Variants in ST18 observed in about 807,000 individuals in gnomAD.
The protein encoded by ST18 is suppression of tumorigenicity 18 protein.
ST18 carries 50 observed loss-of-function variants against 110.0 expected under a neutral mutation model. The observed-to-expected ratio is 0.45, with a 90% CI of 0.36 to 0.58. The LOEUF (loss-of-function observed/expected upper bound fraction) is 0.58. ST18 is among the 20% of genes least tolerant of loss of function. ST18 has a pLI of 0.00. For missense variants in ST18, 1,306 were observed against 1,280.1 expected, an observed-to-expected ratio of 1.02 and a Z score of -0.31; for synonymous variants, 461 against 452.4, an observed-to-expected ratio of 1.02 and a Z score of -0.24.
In ST18 at chr8:52,149,055, C is replaced by T. The variant is rs112445509; in HGVS notation, c.2052+677G>A. Among the ~76,000 whole-genome samples, 526 of 152,340 alleles carry T rather than the reference C, an allele frequency of 3.5e-3. 4 individuals are homozygous for T. The highest frequency in any genetic ancestry group is 0.012 in the African/African-American group (496 of 41,580). Reference sequence around the variant, plus strand: ...CGAGGGTTCTGGCTGTCAGTTCTTTCGAATGACACTGAGTAGTCCATGGCT... The same window carrying T: ...CGAGGGTTCTGGCTGTCAGTTCTTTTGAATGACACTGAGTAGTCCATGGCT... On this transcript the variant is annotated intron_variant, in intron 16 of 25. Transcript: ENST00000689386.
intron 2 of ST18, among the ~76,000 whole-genome samples, chr8:52,336,037 C>A (rs1479814125): frequency 6.6e-6 from 1 of 152,198 alleles, no homozygotes; most frequent in African/African-American, 2.4e-5. Flanking sequence ...AGAGAATACT[C>A]CTTCAAGCCC....
chr8:52,296,574 C>G (rs1173249717), intron 2 of ST18: 1 of 152,276 alleles, frequency 6.6e-6, no homozygotes, highest in South Asian at 2.1e-4. Context: ...AGTAACTCAG[C>G]TTGCTTACTT....
At chr8:52,194,516 T>C (rs2075593084) in intron 8 of ST18, 1 of 152,208 alleles carries the variant, frequency 6.6e-6, no homozygotes, top group African/African-American at 2.4e-5. Context: ...GAAAGACCAC[T>C]GAAGTTGAGC....
At chr8:52,187,172 GT>G (rs1244375253) in intron 8 of ST18, among the ~76,000 whole-genome samples, 2 of 152,144 alleles carry the variant, frequency 1.3e-5, no homozygotes, top group Non-Finnish European at 2.9e-5. Context: ...TTAATTGTAG[GT>G]TCTAAACCCA....
intron 16 of ST18, among the ~76,000 whole-genome samples, chr8:52,148,416 A>G (rs1471291063): frequency 6.6e-6 from 1 of 152,066 alleles, no homozygotes; most frequent in Non-Finnish European, 1.5e-5. Flanking sequence ...GATGCTGAGG[A>G]TGTCTCCCAG....
In ST18 at chr8:52,171,899, T is replaced by A. The variant is rs749207182; in HGVS notation, c.962A>T (p.His321Leu). 6.2e-7 allele frequency: 1 copy of A among 1,614,122 alleles called. No individual in the cohort carries two copies. The change falls in exon 10 of 26, where the codon CAT (histidine) becomes CTT (leucine). Residue 321 changes from histidine to leucine, a missense_variant. By Grantham distance (99) the His-to-Leu change is moderately conservative. Coordinates refer to ENST00000689386, the MANE Select transcript of ST18 (RefSeq NM_001352837.2). ...CCTATCCAGCTCTTTGTAGGTGTTA[T>A]GGAAAACACAACCTCGCTCAGCCTG... is the stretch of plus-strand genomic sequence containing the variant. ...ALQAERGCVF[H>L]NTYKELDRFL...
chr8:52,245,710 T>C (rs1224251291), intron 2 of ST18, among the ~76,000 whole-genome samples: 1 of 152,122 alleles, frequency 6.6e-6, no homozygotes, highest in Non-Finnish European at 1.5e-5. Flanking sequence ...ATATAATATT[T>C]AAGAATATTT....
At chr8:52,329,945 T>A (rs1227346253) in intron 2 of ST18, among the ~76,000 whole-genome samples, 3 of 152,148 alleles carry the variant, frequency 2.0e-5, no homozygotes, top group African/African-American at 7.2e-5. Context: ...CTAGTGAATG[T>A]TTCTGTTGTG....
chr8:52,263,293 A>G (rs1218580684), intron 2 of ST18, among the ~76,000 whole-genome samples: 1 of 152,192 alleles, frequency 6.6e-6, no homozygotes, highest in African/African-American at 2.4e-5. Context: ...AAGATACTTC[A>G]CGCTTTGCAG....
rs200368562 is a variant in ST18, at chr8:52,133,155, C to G, written c.2364-18G>C. ...CGGACAAGCTGAAATAGGGACCCGA[C>G]AAAGAACAAAGCAAAATTATGTGAT... On this transcript the variant is annotated intron_variant, in intron 20 of 25. Coordinates refer to ENST00000689386, the MANE Select transcript of ST18 (RefSeq NM_001352837.2). 266 of 1,614,176 alleles carry G rather than the reference C, an allele frequency of 1.6e-4. No homozygotes were observed. In the African/African-American group the frequency reaches 3.0e-3, roughly 18 times the overall value.
At chr8:52,160,621 A>T (rs1342497180) in intron 14 of ST18, among the ~76,000 whole-genome samples, 1 of 152,196 alleles carries the variant, frequency 6.6e-6, no homozygotes, top group Non-Finnish European at 1.5e-5. Flanking sequence ...TAATGAAGAA[A>T]TCATGACCTC....
intron 2 of ST18, among the ~76,000 whole-genome samples, chr8:52,315,697 T>C (rs2096012081): frequency 6.6e-6 from 1 of 152,226 alleles, no homozygotes; most frequent in African/African-American, 2.4e-5. Context: ...AATAGAGTAG[T>C]GCTGGTGAAT....
chr8:52,187,835 C>A (rs2072956365), intron 8 of ST18, among the ~76,000 whole-genome samples: 1 of 152,156 alleles, frequency 6.6e-6, no homozygotes, highest in Non-Finnish European at 1.5e-5. Flanking sequence ...AGTTAATTTG[C>A]ATTTCTATAC....
At chr8:52,279,899 G>A (rs1002075584) in intron 2 of ST18, among the ~76,000 whole-genome samples, 1 of 152,116 alleles carries the variant, frequency 6.6e-6, no homozygotes, top group East Asian at 1.9e-4. Context: ...CACCCAAAAC[G>A]AAAATCTGAC....
chr8:52,201,395 C>A (rs1273433579), intron 8 of ST18: 1 of 152,234 alleles, frequency 6.6e-6, no homozygotes, highest in Non-Finnish European at 1.5e-5. Flanking sequence ...ACAGAATTTA[C>A]CCTGAGCCTC....
At chr8:52,402,015 G>A (rs886368651) in intron 2 of ST18, among the ~76,000 whole-genome samples, 4 of 152,158 alleles carry the variant, frequency 2.6e-5, no homozygotes, top group African/African-American at 9.7e-5. Context: ...TTCTGAGTGG[G>A]TGCAGTAATG....
intron 2 of ST18, among the ~76,000 whole-genome samples, chr8:52,293,798 A>G (rs898370777): frequency 6.6e-6 from 1 of 152,190 alleles, no homozygotes; most frequent in Non-Finnish European, 1.5e-5. Flanking sequence ...TAAATAATAT[A>G]TCATTTTTGA....
chr8:52,130,149 A>AAGAAAGAG (rs1186972041), intron 22 of ST18, among the ~76,000 whole-genome samples: 7 of 151,292 alleles, frequency 4.6e-5, no homozygotes, highest in African/African-American at 1.5e-4. Flanking sequence ...GAAAGAAAGA[A>AAGAAAGAG]AGAAAGAAAG....
intron 2 of ST18, 45 bp from the exon 3 acceptor site, chr8:52,230,122 A>G (rs1183820217): frequency 6.6e-6 from 1 of 152,472 alleles, no homozygotes; most frequent in Non-Finnish European, 1.5e-5. Context: ...GAAAAACAAA[A>G]AGAAAACATA....
Sources: gnomAD v4.1 joint callset for allele counts (sites outside exome capture counted in the v4.1 genomes callset) on GRCh38, gnomAD v4.1.1 for gene constraint, MANE v1.5 for transcripts, NCBI Gene and HGNC (gene_info 2026-07-23, HGNC 2026-07-21) for gene names.